NADK: variants seen among roughly 807,000 people sequenced by gnomAD.
The protein encoded by NADK is poly(P)/ATP NAD kinase.
Under a neutral mutation model 49.8 loss-of-function variants are expected in NADK, and 22 were observed. The observed-to-expected ratio is 0.44, with a 90% CI of 0.32 to 0.63. The LOEUF is 0.63. NADK is among the 30% of genes least tolerant of loss of function. The pLI is 0.06. For missense variants in NADK, 438 were observed against 609.4 expected (o/e 0.72, Z 2.96); for synonymous variants, 268 against 253.7 (o/e 1.06, Z -0.54).
intron 1 of NADK, among the ~76,000 whole-genome samples, chr1:1,768,087 C>G (rs1040392761): frequency 1.3e-5 from 2 of 151,386 alleles, no homozygotes; most frequent in Admixed American, 6.6e-5. Flanking sequence ...AGGAGAAATG[C>G]TTGAACCCAG....
At chr1:1,753,698 G>A (rs370745348) in intron 10 of NADK, 49 bp from the exon 11 acceptor site, 9 of 1,506,080 alleles carry the variant, frequency 6.0e-6, no homozygotes, top group African/African-American at 2.7e-5. Context: ...TGGGGAGGAC[G>A]CTTCTAGGCA....
chr1:1,756,060 G>A (rs931762106), intron 6 of NADK, 198 bp downstream of exon 6: 21 of 618,548 alleles, frequency 3.4e-5, no homozygotes, highest in African/African-American at 2.9e-4. Context: ...ACCCCCAGCC[G>A]TAGCACTGTG....
chr1:1,756,275 C>A lies in NADK; in HGVS notation c.568G>T (p.Ala190Ser). ...CLGGDGTLLYASSLFQGSVPP... is the reference protein window; with the variant it reads ...CLGGDGTLLYSSSLFQGSVPP... ...CGCTTCACCTGGAAAAGCGAGGAAG[C>A]GTACAGCAGCGTCCCGTCTCCCCCC... The change falls in exon 6 of 12, where the codon GCT becomes TCT. Residue 190 changes from alanine to serine, a missense_variant. Physicochemically the swap from Ala to Ser is moderately conservative, Grantham distance 99. Transcript: ENST00000341426. 6.2e-7 allele frequency: 1 copy of A among 1,614,066 alleles called. No individual in the cohort carries two copies. Among genetic ancestry groups the A allele is most frequent in the Non-Finnish European group, 8.5e-7 (1 of 1,179,946 alleles).
intron 3 of NADK, chr1:1,758,579 T>A: frequency 6.6e-7 from 1 of 1,521,374 alleles, no homozygotes; most frequent in Non-Finnish European, 8.8e-7. Context: ...AAGCTCTTCA[T>A]ACTCAAAACT....
intron 3 of NADK, chr1:1,759,338 G>A (rs1645639892): frequency 7.0e-7 from 1 of 1,425,542 alleles, no homozygotes. Flanking sequence ...GGCACACACG[G>A]CTGTGGGTAC....
At chr1:1,771,120 AATATATATAC>A (rs1210635670) in intron 1 of NADK, among the ~76,000 whole-genome samples, 6 of 148,080 alleles carry the variant, frequency 4.1e-5, no homozygotes, top group Admixed American at 6.8e-5. Context: ...ATCTTATTAA[AATATATATAC>A]ATATATATGA....
chr1:1,755,347 T>C, intron 7 of NADK, 27 bp downstream of exon 7: 1 of 1,542,236 alleles, frequency 6.5e-7, no homozygotes, highest in Non-Finnish European at 9.0e-7. Flanking sequence ...TCAGAGCTCC[T>C]GTGGGCTCCA....
chr1:1,769,399 C>A (rs1400518305), intron 1 of NADK, among the ~76,000 whole-genome samples: 1 of 151,968 alleles, frequency 6.6e-6, no homozygotes, highest in Non-Finnish European at 1.5e-5. Flanking sequence ...ATACAAAAAA[C>A]AATTAGCCGG....
intron 4 of NADK, chr1:1,756,866 C>T (rs1262566808): frequency 2.5e-6 from 2 of 807,132 alleles, no homozygotes; most frequent in Admixed American, 1.7e-5. Context: ...GGCGCCGCAA[C>T]CCCCACGCCT....
In NADK at chr1:1,754,790, TCTTTC is replaced by T. The variant is rs1645457729; in HGVS notation, c.689-97_689-93del. On this transcript the variant is annotated intron_variant, in intron 7 of 11. Transcript: ENST00000341426. This position sits in a 1 kb window ranked among gnomAD's most constrained non-coding sequence, Gnocchi z 4.3. Reference sequence around the variant, plus strand: ...GGGAGGCCAGTGGGAGTCAGAGGGCTCTTTCTTCTCCCAAGTTGACACACTTCTGT... The same window carrying T: ...GGGAGGCCAGTGGGAGTCAGAGGGCTTTCTCCCAAGTTGACACACTTCTGT... The T allele has an allele frequency of 4.9e-6, 6 of 1,212,490 alleles. No homozygotes were observed. The highest frequency in any genetic ancestry group is 3.0e-5 in the African/African-American group (2 of 65,888). 75.1% of individuals were successfully genotyped at this position (1,212,490 alleles called of 1,614,324 possible).
rs768647366 is a variant in NADK, at chr1:1,752,939, A to G, written c.1306T>C (p.Phe436Leu). The G allele has an allele frequency of 3.4e-5, 53 of 1,568,784 alleles. No homozygotes were observed. The highest frequency in any genetic ancestry group is 4.4e-5 in the Non-Finnish European group (51 of 1,153,120). The change falls in exon 12 of 12, where the codon TTC (phenylalanine) becomes CTC (leucine). Residue 436 changes from phenylalanine (F) to leucine (L), a missense_variant. Physicochemically the swap from Phe to Leu is conservative, Grantham distance 22. Coordinates refer to ENST00000341426, the MANE Select transcript of NADK (RefSeq NM_023018.5). The part of the protein sequence containing the change: ...HWNVRKKQAH[F>L]EEEEEEEEEG ...TCCTCCTCCTCCTCCTCCTCCTCGA[A>G]GTGGGCTTGCTTCTTCCGGACGTTC...
At chr1:1,767,176 C>T (rs924914159) in intron 1 of NADK, among the ~76,000 whole-genome samples, 2 of 152,170 alleles carry the variant, frequency 1.3e-5, no homozygotes, top group African/African-American at 4.8e-5. Context: ...CTCAGCATCC[C>T]GAAGTGCTGG....
intron 3 of NADK, chr1:1,759,737 T>G (rs143521678): frequency 0.011 from 16,730 of 1,553,700 alleles, 118 homozygotes; most frequent in Non-Finnish European, 0.012. Context: ...AACCCACCGC[T>G]TCCTCCTGCG....
intron 1 of NADK, among the ~76,000 whole-genome samples, chr1:1,770,500 T>C (rs574574921): frequency 2.6e-5 from 4 of 152,346 alleles, no homozygotes; most frequent in East Asian, 1.9e-4. Context: ...CCTGTATTTC[T>C]ATATACTAGC....
chr1:1,756,011 C>A, intron 6 of NADK: 1 of 583,782 alleles, frequency 1.7e-6, no homozygotes, highest in Non-Finnish European at 3.1e-6. Flanking sequence ...GGACCCACCA[C>A]CCTGCGCCAC....
At chr1:1,773,977 C>G (rs1646134494) in intron 1 of NADK, among the ~76,000 whole-genome samples, 1 of 151,914 alleles carries the variant, frequency 6.6e-6, no homozygotes, top group South Asian at 2.1e-4. Context: ...TCTGGTGGCC[C>G]TCCTGTGTTG....
At position 1,758,152 on chromosome 1, in the gene NADK, A is replaced by C. The variant is rs552910343; in HGVS notation, c.264-842T>G. Reference sequence around the variant, plus strand: ...CACCGCCTATCCTCAGCCCCAAAGGACAAGTTCTTATACCACCGCGCCAGC... The same window carrying C: ...CACCGCCTATCCTCAGCCCCAAAGGCCAAGTTCTTATACCACCGCGCCAGC... On this transcript the variant is annotated intron_variant, in intron 3 of 11. Transcript: ENST00000341426. Among the ~76,000 whole-genome samples the C allele has an allele frequency of 3.3e-5, 5 of 152,292 alleles. No individual in the cohort carries two copies. The South Asian group carries it at 1.0e-3, about 32-fold the overall frequency.
At position 1,778,131 on chromosome 1, in the gene NADK, CG is replaced by C. The variant is rs1646266139; in HGVS notation, c.-41+157del. 6.6e-6 allele frequency among the ~76,000 whole-genome samples: 1 copy of C among 152,186 alleles called. No homozygotes were observed. Among genetic ancestry groups the C allele is most frequent in the Non-Finnish European group, 1.5e-5 (1 of 68,012 alleles). On this transcript the variant is annotated intron_variant, in intron 1 of 11. Coordinates refer to ENST00000341426, the MANE Select transcript of NADK (RefSeq NM_023018.5). This position sits in a 1 kb window ranked among gnomAD's most constrained non-coding sequence, Gnocchi z 4.9. ...GGCCGTGCTGGTGCCCCATTCGGGACGGAGCGGTGGCCCGTCAGCACTTCCA... is the reference window on the plus strand; with the variant it reads ...GGCCGTGCTGGTGCCCCATTCGGGACGAGCGGTGGCCCGTCAGCACTTCCA...
chr1:1,753,139 C>G (rs1298190615), intron 11 of NADK, 79 bp from the exon 12 acceptor site: 1 of 1,490,220 alleles, frequency 6.7e-7, no homozygotes, highest in African/African-American at 1.4e-5. Flanking sequence ...CTCCCTCCCT[C>G]CCTGGGAATG....
Sources: allele counts gnomAD v4.1 joint callset (sites outside exome capture counted in the v4.1 genomes callset), GRCh38; gene constraint gnomAD v4.1.1; non-coding constraint Gnocchi (gnomAD v3.1); transcripts MANE v1.5; gene names NCBI Gene and HGNC (gene_info 2026-07-23, HGNC 2026-07-21).